FEZ1: variants seen among roughly 807,000 people sequenced by gnomAD.
FEZ1 encodes fasciculation and elongation protein zeta-1.
Under a neutral mutation model 49.3 loss-of-function variants are expected in FEZ1, and 20 were observed. The ratio of observed to expected loss-of-function variants is 0.41; its 90% confidence interval spans 0.29 to 0.59. The LOEUF (loss-of-function observed/expected upper bound fraction) is 0.59. Ranked by LOEUF, FEZ1 falls within the 20% of genes least tolerant of loss-of-function variation. FEZ1 has a pLI of 0.36. For synonymous variants in FEZ1, 170 were observed against 180.9 expected (o/e 0.94, Z 0.48); for missense variants, 413 against 476.0 (o/e 0.87, Z 1.23).
intron 3 of FEZ1, among the ~76,000 whole-genome samples, chr11:125,471,288 A>G (rs993742203): frequency 6.6e-6 from 1 of 152,270 alleles, no homozygotes; most frequent in Admixed American, 6.5e-5. Context: ...ACTACACACT[A>G]TGCAAATAAA....
At chr11:125,449,512 G>T (rs551285325) in intron 8 of FEZ1, among the ~76,000 whole-genome samples, 2 of 148,076 alleles carry the variant, frequency 1.4e-5, no homozygotes, top group African/African-American at 2.5e-5. Flanking sequence ...GTGAAGAAAG[G>T]TTACAGAACA....
At chr11:125,452,289 G>T in intron 8 of FEZ1, 45 bp downstream of exon 8, 2 of 1,307,838 alleles carry the variant, frequency 1.5e-6, no homozygotes, top group Non-Finnish European at 2.2e-6. Context: ...GGCAGGAAGG[G>T]AGAAAAAGGA....
At chr11:125,483,476 C>G (rs776888565) in intron 2 of FEZ1, among the ~76,000 whole-genome samples, 1 of 152,198 alleles carries the variant, frequency 6.6e-6, no homozygotes, top group African/African-American at 2.4e-5. Context: ...ATGGGTGATA[C>G]CCTAATCTCC....
intron 3 of FEZ1, among the ~76,000 whole-genome samples, chr11:125,476,135 C>T (rs1483893087): frequency 2.6e-5 from 4 of 152,104 alleles, no homozygotes; most frequent in Non-Finnish European, 4.4e-5. Flanking sequence ...AGTGGTTGCC[C>T]AGAGATTGGG....
intron 9 of FEZ1, among the ~76,000 whole-genome samples, chr11:125,447,416 C>A (rs1956908233): frequency 6.6e-6 from 1 of 152,182 alleles, no homozygotes; most frequent in South Asian, 2.1e-4. Context: ...ATGTAAGAGA[C>A]ATATTATTAT....
chr11:125,447,683 A>C (rs546232362), intron 9 of FEZ1, among the ~76,000 whole-genome samples: 1 of 152,194 alleles, frequency 6.6e-6, no homozygotes, highest in South Asian at 2.1e-4. Context: ...TTAGTTGAGC[A>C]TGGTGGCAGG....
chr11:125,478,938 T>C (rs1957256046), intron 3 of FEZ1, among the ~76,000 whole-genome samples: 1 of 152,236 alleles, frequency 6.6e-6, no homozygotes, highest in African/African-American at 2.4e-5. Context: ...TTTTGTACCA[T>C]GACGGACCTG....
rs961525538 is a variant in FEZ1, at chr11:125,482,180, C to T, written c.312-547G>A. On this transcript the variant is annotated intron_variant, in intron 2 of 9. Coordinates refer to ENST00000278919, the MANE Select transcript of FEZ1 (RefSeq NM_005103.5). Reference sequence around the variant, plus strand: ...CCTACAATCTAAATGATCAGGAATTCCCTCCTTGACATCTAATGTAGGTAA... The same window carrying T: ...CCTACAATCTAAATGATCAGGAATTTCCTCCTTGACATCTAATGTAGGTAA... 7.2e-5 allele frequency among the ~76,000 whole-genome samples: 11 copies of T among 152,140 alleles called. 1 individual carries two copies. The highest frequency in any genetic ancestry group is 2.7e-4 in the African/African-American group (11 of 41,430).
chr11:125,488,996 C>T, intron 2 of FEZ1: 5 of 985,726 alleles, frequency 5.1e-6, no homozygotes, highest in Non-Finnish European at 6.0e-6. Flanking sequence ...CTTATGTGGA[C>T]ATATCCTAAC....
chr11:125,471,282 C>T (rs1957180612), intron 3 of FEZ1, among the ~76,000 whole-genome samples: 1 of 152,068 alleles, frequency 6.6e-6, no homozygotes, highest in South Asian at 2.1e-4. Context: ...CAATGGACTA[C>T]ACACTATGCA....
intron 5 of FEZ1, 108 bp downstream of exon 5, chr11:125,460,390 G>T: frequency 2.1e-6 from 2 of 937,412 alleles, no homozygotes; most frequent in Non-Finnish European, 3.2e-6. Context: ...GCAAGGCTCT[G>T]CTCTGAGGCA....
chr11:125,457,425 AAAAAATATATAT>A (rs1368580886), intron 5 of FEZ1, among the ~76,000 whole-genome samples: 57 of 32,876 alleles, frequency 1.7e-3, no homozygotes, highest in African/African-American at 6.1e-3. Context: ...AAAAAAAAAA[AAAAAATATATAT>A]ATATATATAT....
intron 2 of FEZ1, among the ~76,000 whole-genome samples, chr11:125,483,798 A>G (rs910234739): frequency 5.3e-5 from 8 of 152,230 alleles, no homozygotes; most frequent in African/African-American, 1.9e-4. Context: ...AGGGAAGCTG[A>G]GAACTTTAAC....
At chr11:125,454,446 T>G (rs1266719000) in intron 6 of FEZ1, 1 of 376,894 alleles carries the variant, frequency 2.7e-6, no homozygotes, top group Non-Finnish European at 4.7e-6. Context: ...ACAAGACCCC[T>G]CTGCATCCCC....
intron 3 of FEZ1, among the ~76,000 whole-genome samples, chr11:125,474,644 C>T (rs60230469): frequency 6.6e-6 from 1 of 152,162 alleles, no homozygotes; most frequent in African/African-American, 2.4e-5. Flanking sequence ...AATCCCAGCA[C>T]TTTGGGAGGC....
At chr11:125,471,466 T>G (rs1407909446) in intron 3 of FEZ1, among the ~76,000 whole-genome samples, 1 of 150,486 alleles carries the variant, frequency 6.6e-6, no homozygotes, top group African/African-American at 2.4e-5. Context: ...ACACACACTT[T>G]GCAAACAGTA....
At chr11:125,452,469 G>GATTTA in intron 7 of FEZ1, 60 bp from the exon 8 acceptor site, 1 of 1,122,444 alleles carries the variant, frequency 8.9e-7, no homozygotes, top group South Asian at 1.3e-5. Context: ...TCTGGGTTGA[G>GATTTA]ATTTAGCCTT....
chr11:125,463,598 C>T, intron 3 of FEZ1, 28 bp from the exon 4 acceptor site: 1 of 1,402,120 alleles, frequency 7.1e-7, no homozygotes. Context: ...AGATGGAATT[C>T]TGGGTGACCA....
At chr11:125,475,275 TACACACACACAC>T (rs67243081) in intron 3 of FEZ1, among the ~76,000 whole-genome samples, 2,166 of 141,802 alleles carry the variant, frequency 0.015, 55 homozygotes, top group African/African-American at 0.052. Flanking sequence ...GTCTCAAAAA[TACACACACACAC>T]ACACACACAC....
Sources: allele counts gnomAD v4.1 joint callset (sites outside exome capture counted in the v4.1 genomes callset), GRCh38; gene constraint gnomAD v4.1.1; transcripts MANE v1.5; gene names NCBI Gene and HGNC (gene_info 2026-07-23, HGNC 2026-07-21).